ACIN1: variants seen among roughly 807,000 people sequenced by gnomAD.
The protein encoded by ACIN1 is apoptotic chromatin condensation inducer in the nucleus.
ACIN1 carries 16 observed loss-of-function variants against 146.6 expected under a neutral mutation model. That is an observed-to-expected ratio of 0.11 (90% CI 0.07 to 0.17). The LOEUF is 0.17. ACIN1 is among the 10% of genes least tolerant of loss of function. The probability of loss-of-function intolerance (pLI) is 1.00; values close to 1 mark genes in which losing one functional copy is unlikely to be tolerated. For missense variants in ACIN1, 1,357 were observed against 1,609.3 expected, an observed-to-expected ratio of 0.84 and a Z score of 2.68; for synonymous variants, 569 against 582.7, an observed-to-expected ratio of 0.98 and a Z score of 0.34.
intron 2 of ACIN1, among the ~76,000 whole-genome samples, chr14:23,093,247 G>A (rs1040190940): frequency 6.6e-6 from 1 of 152,188 alleles, no homozygotes; most frequent in African/African-American, 2.4e-5. Flanking sequence ...TTCTACACAT[G>A]CCATTTCAAT....
At chr14:23,085,782 G>A (rs1451997061) in intron 4 of ACIN1, among the ~76,000 whole-genome samples, 2 of 152,174 alleles carry the variant, frequency 1.3e-5, no homozygotes, top group African/African-American at 4.8e-5. Flanking sequence ...AATGTCTTAG[G>A]CCAGATGTTA....
chr14:23,082,013 G>A (rs1420621253), intron 4 of ACIN1, among the ~76,000 whole-genome samples, 177 bp from the exon 5 acceptor site: 1 of 152,108 alleles, frequency 6.6e-6, no homozygotes, highest in Non-Finnish European at 1.5e-5. Context: ...CCCTAACTAG[G>A]TCAGGGTCTT....
In ACIN1 at chr14:23,079,557, T is replaced by C. The variant is rs761490455; in HGVS notation, c.1778A>G (p.Asn593Ser). ...TTCTCTCATACTCACTTTTCTGCTGTTGCTTGATGCTGAACGAGAACGTGA... is the reference window on the plus strand; with the variant it reads ...TTCTCTCATACTCACTTTTCTGCTGCTGCTTGATGCTGAACGAGAACGTGA... Reference protein sequence around the residue: ...SRSRSRSASSNSRKSLSPGVS... With the variant: ...SRSRSRSASSSSRKSLSPGVS... The change falls in exon 6 of 19, where the codon AAC (asparagine) becomes AGC (serine). Residue 593 changes from asparagine (N) to serine (S), a missense_variant. Coordinates refer to ENST00000605057, the MANE Select transcript of ACIN1 (RefSeq NM_001386863.1). The C allele has an allele frequency of 1.2e-6, 2 of 1,606,004 alleles. No homozygotes were observed. Among genetic ancestry groups the C allele is most frequent in the African/African-American group, 1.4e-5 (1 of 70,282 alleles).
In ACIN1 at chr14:23,059,136, G is replaced by T. The variant is rs1387010149; in HGVS notation, c.*12C>A. ...CGAGTGGCTGGTACCTGCAGCTCTA[G>T]TGTTTTCCCAGCTAGCGGCGCCCAC... On this transcript the variant is annotated 3_prime_UTR_variant, in exon 19 of 19. Coordinates refer to ENST00000605057, the MANE Select transcript of ACIN1 (RefSeq NM_001386863.1). 1 of 1,612,036 alleles carries T rather than the reference G, an allele frequency of 6.2e-7. No homozygotes were observed. The highest frequency in any genetic ancestry group is 8.5e-7 in the Non-Finnish European group (1 of 1,178,988).
chr14:23,089,773 C>T (rs1383217495), intron 4 of ACIN1, among the ~76,000 whole-genome samples: 3 of 152,126 alleles, frequency 2.0e-5, no homozygotes, highest in African/African-American at 4.8e-5. Context: ...CACACTGCTT[C>T]GTAAAACACT....
chr14:23,093,571 A>C, intron 1 of ACIN1, 27 bp from the exon 2 acceptor site: 1 of 1,600,454 alleles, frequency 6.2e-7, no homozygotes, highest in South Asian at 1.1e-5. Flanking sequence ...TAAAAGTCAG[A>C]AATGATGAGG....
chr14:23,061,519 TGGACCGGGGGTGGGGGTGGGG>T lies in ACIN1; in HGVS notation c.3182_3202del (p.Pro1061_Val1067del). ...CTCTGCCCGGGGGTGCTGTGGTGGC[TGGACCGGGGGTGGGGGTGGGG>T]GGTGCAGGGGCCGTGGTATTCCCTG... is the stretch of plus-strand genomic sequence containing the variant. On this transcript the variant is annotated inframe_deletion, in exon 17 of 19. Coordinates refer to ENST00000605057, the MANE Select transcript of ACIN1 (RefSeq NM_001386863.1). 6.4e-6 allele frequency: 5 copies of T among 784,820 alleles called. No homozygotes were observed. The highest frequency in any genetic ancestry group is 8.6e-6 in the Non-Finnish European group (5 of 582,076). 48.6% of individuals were successfully genotyped at this position (784,820 alleles called of 1,614,324 possible).
intron 2 of ACIN1, among the ~76,000 whole-genome samples, chr14:23,092,369 G>C (rs564431351): frequency 4.7e-5 from 4 of 84,226 alleles, no homozygotes; most frequent in African/African-American, 1.2e-4. Context: ...CATGTTTGCT[G>C]CACAAACCCG....
At chr14:23,094,818 C>T in intron 1 of ACIN1, 157 bp downstream of exon 1, 1 of 1,144,306 alleles carries the variant, frequency 8.7e-7, no homozygotes, top group Non-Finnish European at 1.2e-6. Context: ...CATTCCAGCG[C>T]GAACCTCATC....
At chr14:23,072,836 T>C (rs983235198) in intron 8 of ACIN1, among the ~76,000 whole-genome samples, 4 of 152,202 alleles carry the variant, frequency 2.6e-5, no homozygotes, top group Admixed American at 2.0e-4. Context: ...GGGTTAAGAG[T>C]GAAGACTCTG....
upstream of ACIN1, chr14:23,095,538 C>T (rs1377281389): frequency 2.0e-6 from 1 of 502,592 alleles, no homozygotes; most frequent in Non-Finnish European, 3.5e-6. Context: ...TTAGGGTTTT[C>T]AGGAAATTTG....
rs2047343472 is a variant in ACIN1 at position 23,063,225 on chromosome 14, T to TGCTAG, written c.2738-156_2738-152dup. Reference sequence around the variant, plus strand: ...AGCACCTATAATCTGCAAAGTACTGTGCTAGGCTAACCTCCTCATCATGGA... The same window carrying TGCTAG: ...AGCACCTATAATCTGCAAAGTACTGTGCTAGGCTAGGCTAACCTCCTCATCATGGA... On this transcript the variant is annotated intron_variant, in intron 13 of 18. Transcript: ENST00000605057. 7.1e-6 allele frequency: 8 copies of TGCTAG among 1,128,818 alleles called. No individual in the cohort carries two copies. In the East Asian group the frequency reaches 2.0e-4, roughly 28 times the overall value. The allele number at this position is 1,128,818 out of a possible 1,614,324, so 69.9% of individuals were successfully genotyped here. A position where few individuals can be genotyped will look rare whatever the true frequency, so the allele number is the denominator to read the frequency against.
Position 23,069,325 on chromosome 14 carries a change from G to A in ACIN1, c.2265+151C>T, listed in dbSNP as rs916045032. The A allele has an allele frequency of 8.9e-6, 12 of 1,348,994 alleles. No individual in the cohort carries two copies. The Admixed American group carries it at 1.0e-4, about 12-fold the overall frequency. 83.6% of individuals were successfully genotyped at this position (1,348,994 alleles called of 1,614,324 possible). ...AAGGGGTCTCCCTTGCTAAACCAGC[G>A]AATTCTCCCTTGGCCCTATTCTGAT... On this transcript the variant is annotated intron_variant, in intron 9 of 18. Transcript: ENST00000605057.
intron 2 of ACIN1, among the ~76,000 whole-genome samples, chr14:23,091,725 G>C (rs2048234701): frequency 6.6e-6 from 1 of 151,014 alleles, no homozygotes; most frequent in African/African-American, 2.4e-5. Context: ...CTGGGTTCAA[G>C]ACATTCTCCT....
chr14:23,082,617 G>GT (rs1566752536), intron 4 of ACIN1, among the ~76,000 whole-genome samples: 1 of 151,838 alleles, frequency 6.6e-6, no homozygotes, highest in Non-Finnish European at 1.5e-5. Context: ...GCTAATTTTT[G>GT]TATTTTTAGT....
At chr14:23,074,867 G>T (rs2047758245) in intron 8 of ACIN1, among the ~76,000 whole-genome samples, 1 of 152,176 alleles carries the variant, frequency 6.6e-6, no homozygotes, top group Admixed American at 6.5e-5. Context: ...CATATATGCT[G>T]AAATTTTAGT....
At chr14:23,069,648 G>GGGGGGGGCCC in intron 8 of ACIN1, 31 bp from the exon 9 acceptor site, 1 of 589,368 alleles carries the variant, frequency 1.7e-6, no homozygotes, top group Non-Finnish European at 3.2e-6. Context: ...TGGTGGGGGG[G>GGGGGGGGCCC]CGGGCAGAAA....
At chr14:23,089,937 T>G in intron 4 of ACIN1, 45 bp downstream of exon 4, 1 of 1,517,818 alleles carries the variant, frequency 6.6e-7, no homozygotes, top group Non-Finnish European at 8.9e-7. Context: ...CCCCACCAAC[T>G]ACGCAGGATT....
chr14:23,071,091 G>C, intron 8 of ACIN1: 2 of 1,542,864 alleles, frequency 1.3e-6, no homozygotes, highest in Non-Finnish European at 8.8e-7. Context: ...AGGGCGGCGG[G>C]GAAAAGGCAT....
Sources: gnomAD v4.1 joint callset for allele counts (sites outside exome capture counted in the v4.1 genomes callset) on GRCh38, gnomAD v4.1.1 for gene constraint, MANE v1.5 for transcripts, NCBI Gene and HGNC (gene_info 2026-07-23, HGNC 2026-07-21) for gene names.